Variants in ARFGEF3 observed in about 807,000 individuals in gnomAD.
The protein encoded by ARFGEF3 is brefeldin A-inhibited guanine nucleotide-exchange protein 3.
Under a neutral mutation model 221.7 loss-of-function variants are expected in ARFGEF3, and 96 were observed. The observed-to-expected ratio is 0.43, with a 90% CI of 0.37 to 0.51. The LOEUF (loss-of-function observed/expected upper bound fraction) is 0.51. ARFGEF3 is among the 20% of genes least tolerant of loss of function. The pLI is 0.00. For missense variants in ARFGEF3, 2,410 were observed against 2,789.9 expected (o/e 0.86, Z 3.07); for synonymous variants, 1,145 against 1,126.8 (o/e 1.02, Z -0.32).
rs1460186297 is a variant in ARFGEF3, at chr6:138,262,936, G to A, written c.1453G>A (p.Val485Met). Residue 485 changes from valine to methionine, a missense_variant, in exon 12 of 34, where the codon GTG becomes ATG. Physicochemically the swap from Val to Met is conservative, Grantham distance 21. This residue lies in a region of ARFGEF3 where 594 missense variants were observed against 734.3 expected (regional missense o/e 0.81). Transcript: ENST00000251691. ...NEADFRWQRR[V>M]LSSEHTPWES... ...GGCTGACTTCCGCTGGCAGCGGCGA[G>A]TGCTGTCCTCAGAACACACGCCGTG... 3.1e-6 allele frequency: 5 copies of A among 1,604,896 alleles called. No homozygotes were observed. The Admixed American group carries it at 6.9e-5, about 22-fold the overall frequency.
At chr6:138,305,073 T>TA (rs201263639) in intron 22 of ARFGEF3, among the ~76,000 whole-genome samples, 210 of 141,076 alleles carry the variant, frequency 1.5e-3, no homozygotes, top group African/African-American at 2.1e-3. Context: ...TTTCATAAAT[T>TA]AAAAAAAAAA....
chr6:138,321,269 A>G (rs1306968280), intron 29 of ARFGEF3, 44 bp downstream of exon 29: 1 of 1,105,892 alleles, frequency 9.0e-7, no homozygotes, highest in East Asian at 2.6e-5. Context: ...TGGAGTTTTT[A>G]TTTAAAAATC....
intron 4 of ARFGEF3, among the ~76,000 whole-genome samples, chr6:138,224,736 TGGTG>T (rs967173783): frequency 1.3e-5 from 2 of 152,048 alleles, no homozygotes; most frequent in African/African-American, 4.8e-5. Context: ...AGAAATCCAA[TGGTG>T]TGTGTGTGTG....
chr6:138,335,138 A>G lies in ARFGEF3; in HGVS notation c.6292A>G (p.Thr2098Ala). The change falls in exon 33 of 34, where the codon ACC becomes GCC. Residue 2098 changes from threonine to alanine, a missense_variant. Thr to Ala is a moderately conservative substitution (Grantham distance 58, BLOSUM62 0). This residue lies in a region of ARFGEF3 where 339 missense variants were observed against 334.9 expected (regional missense o/e 1.01). Transcript: ENST00000251691. ...RQDKRPRSGS[T>A]GSSLSVSVRD... ...GGACAAGAGGCCCCGCTCAGGCTCC[A>G]CCGGGAGCTCCCTCAGTGTCTCGGT... 1.3e-6 allele frequency: 2 copies of G among 1,586,630 alleles called. No individual in the cohort carries two copies. The highest frequency in any genetic ancestry group is 2.3e-5 in the East Asian group (1 of 44,294).
At chr6:138,189,284 A>G (rs1777248610) in intron 2 of ARFGEF3, among the ~76,000 whole-genome samples, 1 of 152,256 alleles carries the variant, frequency 6.6e-6, no homozygotes, top group Non-Finnish European at 1.5e-5. Context: ...TTCTCAGTGT[A>G]GAAAATTCAA....
chr6:138,165,025 A>G (rs573077743), intron 1 of ARFGEF3, among the ~76,000 whole-genome samples: 12 of 151,574 alleles, frequency 7.9e-5, no homozygotes, highest in African/African-American at 2.7e-4. Flanking sequence ...TTAGACCATC[A>G]TGGGAGAGAG....
intron 10 of ARFGEF3, among the ~76,000 whole-genome samples, chr6:138,256,885 A>G (rs954348136): frequency 3.6e-4 from 55 of 152,174 alleles, no homozygotes; most frequent in African/African-American, 1.3e-3. Context: ...CCTATGTTCA[A>G]GTGTTCCTCC....
At chr6:138,183,278 C>T (rs1197770557) in intron 2 of ARFGEF3, among the ~76,000 whole-genome samples, 2 of 152,080 alleles carry the variant, frequency 1.3e-5, no homozygotes, top group Admixed American at 6.6e-5. Context: ...GCCAGCAACA[C>T]GACCTTTGCT....
At position 138,324,131 on chromosome 6, in the gene ARFGEF3, C is replaced by A; in HGVS notation, c.4978C>A (p.Arg1660Ser). 6.2e-7 allele frequency: 1 copy of A among 1,613,686 alleles called. No individual in the cohort carries two copies. The highest frequency in any genetic ancestry group is 8.5e-7 in the Non-Finnish European group (1 of 1,179,826). Residue 1660 changes from arginine to serine, a missense_variant, in exon 31 of 34, where the codon CGC becomes AGC. Physicochemically the swap from Arg to Ser is moderately radical, Grantham distance 110 (BLOSUM62 -1). Coordinates refer to ENST00000251691, the MANE Select transcript of ARFGEF3 (RefSeq NM_020340.5). Reference sequence around the variant, plus strand: ...CCCAAGTGCCGAGGCCGAGTACTGGCGCATCCGAGCCATGGCCCAGCAGGT... The same window carrying A: ...CCCAAGTGCCGAGGCCGAGTACTGGAGCATCCGAGCCATGGCCCAGCAGGT... ...SSPSAEAEYW[R>S]IRAMAQQVFM...
chr6:138,168,640 C>T (rs2114425315), intron 1 of ARFGEF3, among the ~76,000 whole-genome samples: 1 of 152,318 alleles, frequency 6.6e-6, no homozygotes, highest in South Asian at 2.1e-4. Context: ...AAGGTGACAG[C>T]TTGGACCAAA....
intron 17 of ARFGEF3, among the ~76,000 whole-genome samples, chr6:138,289,552 G>A (rs1779360648): frequency 6.6e-6 from 1 of 152,202 alleles, no homozygotes; most frequent in Admixed American, 6.5e-5. Flanking sequence ...CTGACCCAGA[G>A]CCCATGAAAG....
chr6:138,219,000 A>T (rs1777929409), intron 4 of ARFGEF3, among the ~76,000 whole-genome samples: 1 of 152,236 alleles, frequency 6.6e-6, no homozygotes, highest in African/African-American at 2.4e-5. Context: ...AGTGCATAAA[A>T]CTATATAGGA....
Position 138,213,213 on chromosome 6 carries a change from G to A in ARFGEF3, c.351+3172G>A, listed in dbSNP as rs186371192. Among the ~76,000 whole-genome samples the A allele has an allele frequency of 1.2e-3, 187 of 151,470 alleles. 3 individuals carry two copies. The East Asian group carries it at 0.018, about 15-fold the overall frequency. On this transcript the variant is annotated intron_variant, in intron 4 of 33. Transcript: ENST00000251691. Reference sequence around the variant, plus strand: ...TGAGGCAGGAGAATGGCATGAATCCGGGAGGCAGAGCTTATAGTGAGCTGA... The same window carrying A: ...TGAGGCAGGAGAATGGCATGAATCCAGGAGGCAGAGCTTATAGTGAGCTGA...
intron 8 of ARFGEF3, among the ~76,000 whole-genome samples, chr6:138,249,053 A>G (rs1040357537): frequency 6.6e-6 from 1 of 152,164 alleles, no homozygotes; most frequent in Non-Finnish European, 1.5e-5. Flanking sequence ...AATCCCTCTC[A>G]TGTAGTAAAT....
intron 26 of ARFGEF3, 150 bp from the exon 27 acceptor site, chr6:138,317,100 AT>A: frequency 2.9e-6 from 2 of 695,544 alleles, no homozygotes; most frequent in Non-Finnish European, 4.6e-6. Flanking sequence ...TCATCTGTTC[AT>A]GTCTATGGCC....
chr6:138,334,066 CT>C lies in ARFGEF3; in HGVS notation c.5221del (p.Ser1741LeufsTer50). 6.2e-7 allele frequency: 1 copy of C among 1,613,952 alleles called. No homozygotes were observed. On this transcript the variant is annotated frameshift_variant, in exon 33 of 34. Coordinates refer to ENST00000251691, the MANE Select transcript of ARFGEF3 (RefSeq NM_020340.5). LOFTEE classifies it high-confidence loss of function. This position sits in a 1 kb window ranked among gnomAD's most constrained non-coding sequence, Gnocchi z 5.1. The part of the protein sequence containing the change: ...ILLEEFVKGP[S>X]PGEEKTIQVP... ...TGTTAGAAGAGTTTGTCAAAGGCCC[CT>C]CTCCTGGAGAGGAAAAGACGATACA...
intron 9 of ARFGEF3, 86 bp downstream of exon 9, chr6:138,254,070 C>T: frequency 2.6e-6 from 2 of 781,696 alleles, no homozygotes; most frequent in Middle Eastern, 6.1e-4. Flanking sequence ...TCCATGAAGT[C>T]CATGACCCAC....
rs568013188 is a variant in ARFGEF3, at chr6:138,327,048, T to C, written c.5002-973T>C. On this transcript the variant is annotated intron_variant, in intron 31 of 33. Coordinates refer to ENST00000251691, the MANE Select transcript of ARFGEF3 (RefSeq NM_020340.5). ...TTCTCACTTATAAGTGGGAGCTGAT[T>C]GATGAGAATGCATGGACACATGGCA... 8.5e-5 allele frequency among the ~76,000 whole-genome samples: 13 copies of C among 152,178 alleles called. No individual in the cohort carries two copies. In the South Asian group the frequency reaches 2.7e-3, roughly 32 times the overall value.
chr6:138,286,324 C>T (rs1158668250), intron 15 of ARFGEF3, among the ~76,000 whole-genome samples: 2 of 151,952 alleles, frequency 1.3e-5, no homozygotes, highest in Non-Finnish European at 2.9e-5. Context: ...GTGGTGGGCA[C>T]CTGTAGTCCC....
Sources: allele counts gnomAD v4.1 joint callset (sites outside exome capture counted in the v4.1 genomes callset), GRCh38; gene constraint gnomAD v4.1.1; regional missense constraint gnomAD v4.1.1; non-coding constraint Gnocchi (gnomAD v3.1); transcripts MANE v1.5; gene names NCBI Gene and HGNC (gene_info 2026-07-23, HGNC 2026-07-21).